Variants in ATG4B observed in about 807,000 individuals in gnomAD.
ATG4B encodes the protein autophagy related 4B cysteine peptidase, also known as cysteine protease ATG4B.
In ATG4B, 29 loss-of-function variants were observed where a neutral mutation model predicts 56.6. The ratio of observed to expected loss-of-function variants is 0.51; its 90% confidence interval spans 0.38 to 0.70. The LOEUF (loss-of-function observed/expected upper bound fraction) is 0.70. Ranked by LOEUF, ATG4B falls within the 30% of genes least tolerant of loss-of-function variation. The pLI, the probability that ATG4B is intolerant of heterozygous loss-of-function variation, is 0.00. For missense variants in ATG4B, 461 were observed against 515.5 expected (o/e 0.89, Z 1.02); for synonymous variants, 224 against 206.1 (o/e 1.09, Z -0.74).
intron 7 of ATG4B, among the ~76,000 whole-genome samples, chr2:241,661,083 G>C (rs886521522): frequency 2.0e-5 from 3 of 152,240 alleles, no homozygotes; most frequent in Non-Finnish European, 4.4e-5. Context: ...CTGCTGAAAC[G>C]TGGCTTGTCA....
Position 241,668,768 on chromosome 2 carries a change from GT to G in ATG4B, c.957+93del, listed in dbSNP as rs138661495. On this transcript the variant is annotated intron_variant, in intron 10 of 12. Transcript: ENST00000404914. The surrounding 1 kb of genome is among the most constrained non-coding windows in gnomAD (Gnocchi z 4.2). ...ACGAGGAAAACTTTCGGATTTTTGCGTTTTTTTTTTCAGCATGTTGGGATAA... is the reference window on the plus strand; with the variant it reads ...ACGAGGAAAACTTTCGGATTTTTGCGTTTTTTTTTCAGCATGTTGGGATAA... The G allele has an allele frequency of 8.0e-5, 111 of 1,387,496 alleles. No homozygotes were observed. Among genetic ancestry groups the G allele is most frequent in the African/African-American group, 4.2e-4 (27 of 65,052 alleles). The allele number at this position is 1,387,496 out of a possible 1,614,324, so 85.9% of individuals were successfully genotyped here. A position where few individuals can be genotyped will look rare whatever the true frequency, so the allele number is the denominator to read the frequency against.
At chr2:241,653,328 T>C in intron 3 of ATG4B, 184 bp from the exon 4 acceptor site, 2 of 1,549,342 alleles carry the variant, frequency 1.3e-6, no homozygotes, top group Admixed American at 2.0e-5. Flanking sequence ...GACATTTCAC[T>C]CTCCAGTAAA....
At chr2:241,659,889 C>T (rs913914586) in intron 7 of ATG4B, 4 of 158,572 alleles carry the variant, frequency 2.5e-5, no homozygotes, top group African/African-American at 9.6e-5. Flanking sequence ...ATCCAATTTT[C>T]CATAAGAAAG....
rs576256872 is a variant in ATG4B, at chr2:241,637,948, G to C, written c.10+224G>C. 7.8e-4 allele frequency among the ~76,000 whole-genome samples: 119 copies of C among 151,758 alleles called. 1 individual carries two copies. The highest frequency in any genetic ancestry group is 2.7e-3 in the African/African-American group (112 of 41,508). ...GCACTGCGCCGCGGAACCCGCCGTC[G>C]GTTGCGCTGGAGCTTCTGCTTTTCC... is the stretch of plus-strand genomic sequence containing the variant. On this transcript the variant is annotated intron_variant, in intron 1 of 12. Transcript: ENST00000404914.
chr2:241,658,450 C>T (rs1420497128), intron 6 of ATG4B, among the ~76,000 whole-genome samples: 6 of 151,998 alleles, frequency 3.9e-5, no homozygotes, highest in African/African-American at 1.4e-4. Context: ...ATTCTGTCCC[C>T]GGGAGCACCA....
chr2:241,646,113 C>T (rs988462437), intron 1 of ATG4B, among the ~76,000 whole-genome samples: 1 of 152,172 alleles, frequency 6.6e-6, no homozygotes, highest in Non-Finnish European at 1.5e-5. Context: ...TGTATTTGAA[C>T]TTAATGGAAC....
chr2:241,666,838 G>A lies in ATG4B; in HGVS notation c.732G>A (p.Lys244=). Residue 244 remains lysine, a splice_region_variant and synonymous_variant, in exon 8 of 13, where the codon AAG becomes AAA. Transcript: ENST00000404914. ...ACGAGGCCTACGTGGAGACGCTGAAGGTGGGTCCTGCCGTGCGGCGCTTGC... is the reference window on the plus strand; with the variant it reads ...ACGAGGCCTACGTGGAGACGCTGAAAGTGGGTCCTGCCGTGCGGCGCTTGC... ...DINEAYVETL[K]HCFMMPQSLG... is the part of the protein sequence containing the mutation. 6.4e-7 allele frequency: 1 copy of A among 1,557,366 alleles called. No individual in the cohort carries two copies. The highest frequency in any genetic ancestry group is 8.7e-7 in the Non-Finnish European group (1 of 1,151,728).
chr2:241,671,942 G>A (rs1001905684), intron 12 of ATG4B: 1 of 1,390,518 alleles, frequency 7.2e-7, no homozygotes, highest in South Asian at 1.6e-5. Context: ...GCGGGACAGA[G>A]GCCCCTCAGG....
At chr2:241,639,924 C>T (rs750389642) in intron 1 of ATG4B, among the ~76,000 whole-genome samples, 12 of 152,170 alleles carry the variant, frequency 7.9e-5, no homozygotes, top group East Asian at 1.9e-4. Context: ...TGGATTTATC[C>T]GAGACTCGTC....
chr2:241,672,024 T>G (rs1575096599), intron 12 of ATG4B, 167 bp from the exon 13 acceptor site: 1,005 of 1,306,336 alleles, frequency 7.7e-4, no homozygotes, highest in East Asian at 4.0e-3. Flanking sequence ...CCTCCCCCCA[T>G]ATTCGCAGGT....
At chr2:241,671,950 A>G (rs2068989889) in intron 12 of ATG4B, 2 of 1,393,904 alleles carry the variant, frequency 1.4e-6, no homozygotes, top group Non-Finnish European at 1.9e-6. Flanking sequence ...GAGGCCCCTC[A>G]GGCCTGAGAT....
chr2:241,655,356 C>T lies in ATG4B; in HGVS notation c.458+13C>T. On this transcript the variant is annotated intron_variant, in intron 6 of 12. Transcript: ENST00000404914. ...CCCAGGTCCTGAAGTATGTACTGCG[C>T]TTCCACTGCTGAGCATGGGGCAGCA... is the stretch of plus-strand genomic sequence containing the variant. 1.2e-6 allele frequency: 2 copies of T among 1,601,128 alleles called. No individual in the cohort carries two copies. Among genetic ancestry groups the T allele is most frequent in the Admixed American group, 1.7e-5 (1 of 58,074 alleles).
intron 1 of ATG4B, among the ~76,000 whole-genome samples, chr2:241,650,122 G>A (rs1449390228): frequency 2.0e-5 from 3 of 152,172 alleles, no homozygotes; most frequent in Admixed American, 6.5e-5. Flanking sequence ...AAGATGGCAT[G>A]CAGGGCTAAT....
At chr2:241,653,481 T>G (rs375602145) in intron 3 of ATG4B, 31 bp from the exon 4 acceptor site, 324 of 1,557,700 alleles carry the variant, frequency 2.1e-4, no homozygotes, top group Middle Eastern at 1.3e-3. Flanking sequence ...CATCTGGCCA[T>G]GAGCACTTCT....
At chr2:241,655,614 G>A (rs1421127173) in intron 6 of ATG4B, among the ~76,000 whole-genome samples, 1 of 152,160 alleles carries the variant, frequency 6.6e-6, no homozygotes, top group Non-Finnish European at 1.5e-5. Flanking sequence ...GGTGGCTTCT[G>A]ATGGGGTGGG....
intron 7 of ATG4B, 22 bp downstream of exon 7, chr2:241,659,209 T>G (rs545284704): frequency 6.2e-7 from 1 of 1,607,666 alleles, no homozygotes; most frequent in South Asian, 1.1e-5. Context: ...AGAGTTTCCA[T>G]GGACAAGAAA....
intron 5 of ATG4B, 89 bp downstream of exon 5, chr2:241,654,736 GT>G: frequency 9.6e-7 from 1 of 1,043,894 alleles, no homozygotes; most frequent in Non-Finnish European, 1.4e-6. Context: ...TTCTGGTGTC[GT>G]GGGATGTGGA....
chr2:241,640,313 A>G (rs773404168), intron 1 of ATG4B, among the ~76,000 whole-genome samples: 3 of 152,236 alleles, frequency 2.0e-5, no homozygotes, highest in South Asian at 2.1e-4. Context: ...ATAAAAACGT[A>G]TATGATGTTT....
chr2:241,643,663 C>CGTGTGT (rs369340875), intron 1 of ATG4B, among the ~76,000 whole-genome samples: 21,793 of 135,506 alleles, frequency 0.16, 2,075 homozygotes, highest in South Asian at 0.33. Flanking sequence ...TATATATATA[C>CGTGTGT]GTGTGTGTGT....
Sources: allele counts gnomAD v4.1 joint callset (sites outside exome capture counted in the v4.1 genomes callset), GRCh38; gene constraint gnomAD v4.1.1; non-coding constraint Gnocchi (gnomAD v3.1); transcripts MANE v1.5; gene names NCBI Gene and HGNC (gene_info 2026-07-23, HGNC 2026-07-21).